Variants in GOLGA4 observed in about 807,000 individuals in gnomAD.
GOLGA4 encodes golgin subfamily A member 4.
Under a neutral mutation model 265.9 loss-of-function variants are expected in GOLGA4, and 169 were observed. That is an observed-to-expected ratio of 0.64 (90% CI 0.56 to 0.72). The LOEUF (loss-of-function observed/expected upper bound fraction) is 0.72, where lower values mean the gene tolerates loss of function less well. Ranked by LOEUF, GOLGA4 falls within the 30% of genes least tolerant of loss-of-function variation. The pLI is 0.00. For missense variants in GOLGA4, 2,482 were observed against 2,483.4 expected (o/e 1.00, Z 0.01); for synonymous variants, 923 against 855.8 (o/e 1.08, Z -1.37).
At chr3:37,337,511 C>T (rs1405797916) in intron 18 of GOLGA4, among the ~76,000 whole-genome samples, 155 bp from the exon 19 acceptor site, 1 of 152,090 alleles carries the variant, frequency 6.6e-6, no homozygotes, top group African/African-American at 2.4e-5. Context: ...ACTAGTTATT[C>T]TTTGAATTTG....
At position 37,335,053 on chromosome 3, in the gene GOLGA4, G is replaced by A; in HGVS notation, c.6193G>A (p.Ala2065Thr). 6.5e-7 allele frequency: 1 copy of A among 1,545,690 alleles called. No individual in the cohort carries two copies. The highest frequency in any genetic ancestry group is 1.4e-5 in the African/African-American group (1 of 72,352). ...TTTTCTTTTTTTTTAAATCCTAAAG[G>A]CTCGTGAAGAAGAAATGACTGCAAA... Reference protein sequence around the residue: ...TAKRYEEILDAREEEMTAKVR... With the variant: ...TAKRYEEILDTREEEMTAKVR... Residue 2065 changes from alanine to threonine, a missense_variant and splice_region_variant, in exon 17 of 24, where the codon GCT becomes ACT. This residue lies in a region of GOLGA4 where 942 missense variants were observed against 983.1 expected (regional missense o/e 0.96). Coordinates refer to ENST00000361924, the MANE Select transcript of GOLGA4 (RefSeq NM_002078.5).
intron 5 of GOLGA4, among the ~76,000 whole-genome samples, chr3:37,289,648 G>A (rs2096859853): frequency 6.6e-6 from 1 of 152,040 alleles, no homozygotes; most frequent in Admixed American, 6.5e-5. Context: ...CTGTAATTTT[G>A]AGGGGGGTGG....
intron 20 of GOLGA4, among the ~76,000 whole-genome samples, chr3:37,346,023 A>G (rs914699705): frequency 2.0e-5 from 3 of 152,138 alleles, no homozygotes; most frequent in Non-Finnish European, 2.9e-5. Flanking sequence ...TGCGTTTTGT[A>G]TAGATCTAGA....
rs2097028556 is a variant in GOLGA4, at chr3:37,340,195, C to T, written c.6468C>T (p.Tyr2156=). Residue 2156 remains tyrosine, a synonymous_variant, in exon 20 of 24, where the codon TAC becomes TAT. Transcript: ENST00000361924. ...NVYATTVGTP[Y]KGGNLYHTDV... is the part of the protein sequence containing the mutation. The stretch of plus-strand genomic sequence containing the variant: ...ATGCAACAACTGTGGGGACACCTTA[C>T]AAAGGTAAGGATGATCTCGTGTCAT... The T allele has an allele frequency of 1.5e-6, 2 of 1,295,112 alleles. No individual in the cohort carries two copies. The highest frequency in any genetic ancestry group is 2.0e-5 in the Admixed American group (1 of 50,978). The allele number at this position is 1,295,112 out of a possible 1,614,324, so 80.2% of individuals were successfully genotyped here.
chr3:37,347,674 AATT>A (rs2097060443), intron 21 of GOLGA4, among the ~76,000 whole-genome samples: 1 of 152,130 alleles, frequency 6.6e-6, no homozygotes, highest in Non-Finnish European at 1.5e-5. Context: ...AAATAGTCAT[AATT>A]ATTAGCTACC....
Position 37,296,283 on chromosome 3 carries a change from C to T in GOLGA4, c.814+64C>T, listed in dbSNP as rs1011047991. The T allele has an allele frequency of 5.3e-6, 8 of 1,519,324 alleles. No individual in the cohort carries two copies. The African/African-American group carries it at 8.3e-5, about 16-fold the overall frequency. 94.1% of individuals were successfully genotyped at this position (1,519,324 alleles called of 1,614,324 possible). A position where few individuals can be genotyped will look rare whatever the true frequency, so the allele number is the denominator to read the frequency against. ...GAGGAGAGCCAGGCTCCTTGGCTTA[C>T]ACCTTTAATCCCAACACTTTGGGAG... On this transcript the variant is annotated intron_variant, in intron 7 of 23. Coordinates refer to ENST00000361924, the MANE Select transcript of GOLGA4 (RefSeq NM_002078.5).
intron 16 of GOLGA4, among the ~76,000 whole-genome samples, chr3:37,332,492 G>T (rs2096994044): frequency 6.6e-6 from 1 of 152,104 alleles, no homozygotes; most frequent in Non-Finnish European, 1.5e-5. Context: ...GGGTGGCAGA[G>T]TGAGGCCCTG....
intron 20 of GOLGA4, among the ~76,000 whole-genome samples, chr3:37,346,962 A>C (rs1183300599): frequency 2.0e-5 from 3 of 152,264 alleles, no homozygotes; most frequent in Non-Finnish European, 4.4e-5. Context: ...AAGAGGAGGA[A>C]GGAAAAAGAT....
chr3:37,308,578 T>A (rs2096913720), intron 10 of GOLGA4, among the ~76,000 whole-genome samples: 3 of 151,264 alleles, frequency 2.0e-5, no homozygotes. Flanking sequence ...GTGGGTTATA[T>A]GTATTGATAT....
intron 10 of GOLGA4, among the ~76,000 whole-genome samples, chr3:37,314,682 C>CACACACACACACACACACACA (rs148252805): frequency 7.0e-6 from 1 of 142,580 alleles, no homozygotes; most frequent in Non-Finnish European, 1.6e-5. Flanking sequence ...CACACACACA[C>CACACACACACACACACACACA]GAAAAAAACC....
chr3:37,339,522 A>T (rs762907440), intron 19 of GOLGA4, among the ~76,000 whole-genome samples: 1 of 152,248 alleles, frequency 6.6e-6, no homozygotes, highest in Non-Finnish European at 1.5e-5. Context: ...TCAACAAAGT[A>T]TAAGAGTTCC....
intron 9 of GOLGA4, among the ~76,000 whole-genome samples, chr3:37,301,960 T>G (rs1254322772): frequency 1.3e-5 from 2 of 152,126 alleles, no homozygotes; most frequent in Non-Finnish European, 2.9e-5. Flanking sequence ...GGCTAATTTT[T>G]GTATTTTTAG....
chr3:37,308,726 C>T (rs933766246), intron 10 of GOLGA4, among the ~76,000 whole-genome samples: 2 of 151,796 alleles, frequency 1.3e-5, no homozygotes, highest in African/African-American at 4.8e-5. Flanking sequence ...AGCAATTCTC[C>T]TGCCTCAGCC....
At chr3:37,306,334 C>T (rs1286201529) in intron 10 of GOLGA4, among the ~76,000 whole-genome samples, 1 of 152,138 alleles carries the variant, frequency 6.6e-6, no homozygotes, top group Non-Finnish European at 1.5e-5. Flanking sequence ...TACTTAAGAA[C>T]AGATGGTCAT....
At chr3:37,335,232 G>C in intron 17 of GOLGA4, 66 bp downstream of exon 17, 2 of 840,888 alleles carry the variant, frequency 2.4e-6, no homozygotes, top group South Asian at 1.5e-5. Flanking sequence ...GATTTGACTA[G>C]CCTACTAACA....
In GOLGA4 at chr3:37,321,903, T is replaced by C. The variant is rs779709869; in HGVS notation, c.1701+17T>C. On this transcript the variant is annotated intron_variant, in intron 13 of 23. Transcript: ENST00000361924. ...TACAGAACTGTAAGTTTTAATAATA[T>C]TCAGATTCTGGAGTTGTGAAATTAT... is the stretch of plus-strand genomic sequence containing the variant. 7 of 1,576,120 alleles carry C rather than the reference T, an allele frequency of 4.4e-6. No individual in the cohort carries two copies. The African/African-American group carries it at 5.5e-5, about 12-fold the overall frequency.
chr3:37,323,328 A>C (rs185460546), intron 13 of GOLGA4, among the ~76,000 whole-genome samples: 1 of 151,984 alleles, frequency 6.6e-6, no homozygotes, highest in Non-Finnish European at 1.5e-5. Flanking sequence ...GGGCTTTGCC[A>C]TGTTGGTCAG....
intron 2 of GOLGA4, among the ~76,000 whole-genome samples, chr3:37,270,309 G>T (rs1467642225): frequency 6.7e-6 from 1 of 150,204 alleles, no homozygotes; most frequent in African/African-American, 2.5e-5. Context: ...GGATTAAAGC[G>T]ATTCTCCTGC....
rs1162649125 is a variant in GOLGA4 at position 37,258,022 on chromosome 3, T to C, written c.162+6538T>C. Reference sequence around the variant, plus strand: ...GTATATATACATACATATATATATGTATGTATATATGTATATATACATACA... The same window carrying C: ...GTATATATACATACATATATATATGCATGTATATATGTATATATACATACA... On this transcript the variant is annotated intron_variant, in intron 2 of 23. Coordinates refer to ENST00000361924, the MANE Select transcript of GOLGA4 (RefSeq NM_002078.5). Among the ~76,000 whole-genome samples the C allele has an allele frequency of 2.5e-5, 2 of 78,726 alleles. 1 individual carries two copies. Among genetic ancestry groups the C allele is most frequent in the Non-Finnish European group, 4.8e-5 (2 of 41,528 alleles). 51.6% of individuals were successfully genotyped at this position (78,726 alleles called of 152,430 possible).
Sources: gnomAD v4.1 joint callset for allele counts (sites outside exome capture counted in the v4.1 genomes callset) on GRCh38, gnomAD v4.1.1 for gene constraint, gnomAD v4.1.1 regional missense constraint, MANE v1.5 for transcripts, NCBI Gene and HGNC (gene_info 2026-07-23, HGNC 2026-07-21) for gene names.